EXOC3: variants seen among roughly 807,000 people sequenced by gnomAD.
The protein encoded by EXOC3 is exocyst complex component 3.
A neutral mutation model predicts 73.7 loss-of-function variants in EXOC3; 21 were observed. The observed-to-expected ratio is 0.29, with a 90% confidence interval of 0.20 to 0.41. The LOEUF (loss-of-function observed/expected upper bound fraction) is 0.41. Among genes scored for constraint, EXOC3 ranks in the 10% least tolerant of loss-of-function variants. The probability of loss-of-function intolerance (pLI) is 1.00; values close to 1 mark genes in which losing one functional copy is unlikely to be tolerated. For missense variants in EXOC3, 842 were observed against 985.1 expected, an observed-to-expected ratio of 0.85 and a Z score of 1.95; for synonymous variants, 410 against 389.1, an observed-to-expected ratio of 1.05 and a Z score of -0.63.
At chr5:464,996 G>A in intron 10 of EXOC3, 115 bp from the exon 11 acceptor site, 1 of 1,085,918 alleles carries the variant, frequency 9.2e-7, no homozygotes. Context: ...GGAGCGAGGA[G>A]GAGTGGGCTC....
Position 464,426 on chromosome 5 carries a change from A to G in EXOC3, c.1776+14A>G, listed in dbSNP as rs13164147. On this transcript the variant is annotated intron_variant, in intron 10 of 12. Transcript: ENST00000512944. ...CCGTATAAGAAGGTAAGAAGGTGGG[A>G]CCTAGTTCCCTCATCACCTTGACGC... The G allele has an allele frequency of 7.4e-6, 12 of 1,612,262 alleles. No individual in the cohort carries two copies. The African/African-American group carries it at 1.6e-4, about 22-fold the overall frequency.
At chr5:456,748 C>G (rs1004442394) in intron 4 of EXOC3, 141 bp from the exon 5 acceptor site, 1 of 697,680 alleles carries the variant, frequency 1.4e-6, no homozygotes, top group Non-Finnish European at 2.6e-6. Flanking sequence ...TGCACTTTCC[C>G]CTGAGCTGTG....
chr5:457,670 T>A, intron 5 of EXOC3: 1 of 459,090 alleles, frequency 2.2e-6, no homozygotes, highest in Non-Finnish European at 3.9e-6. Flanking sequence ...CTTCTCCCTC[T>A]TTATCTGTAC....
In EXOC3 at chr5:453,496, G is replaced by A. The variant is rs758694210; in HGVS notation, c.491G>A (p.Ser164Asn). The A allele has an allele frequency of 2.5e-6, 4 of 1,613,888 alleles. No homozygotes were observed. The highest frequency in any genetic ancestry group is 3.4e-6 in the Non-Finnish European group (4 of 1,179,898). ...GLMYEQYRMD[S>N]GNTRDMTLIH... ...ATGTACGAGCAGTACCGCATGGACA[G>A]TGGGAACACGCGTGACATGACCCTC... is the stretch of plus-strand genomic sequence containing the variant. Residue 164 changes from serine (S) to asparagine (N), a missense_variant, in exon 4 of 13, where the codon AGT becomes AAT. Transcript: ENST00000512944.
intron 9 of EXOC3, 70 bp downstream of exon 9, chr5:462,377 C>T (rs1428295483): frequency 1.3e-6 from 2 of 1,552,510 alleles, no homozygotes; most frequent in Non-Finnish European, 1.8e-6. Flanking sequence ...CCCTCTGGGA[C>T]ACAGGCTGTG....
chr5:460,820 C>T (rs1010110352), intron 7 of EXOC3, among the ~76,000 whole-genome samples: 3 of 152,214 alleles, frequency 2.0e-5, no homozygotes, highest in South Asian at 2.1e-4. Flanking sequence ...ATAAAGAGAC[C>T]GTTCCTTGAT....
Position 465,830 on chromosome 5 carries a change from A to G in EXOC3, c.2051A>G (p.Lys684Arg). Reference sequence around the variant, plus strand: ...CTGGAGGTCTCCACTCTGGTCAGCAAGTATCCAGACATCAGGTAAGGGATG... The same window carrying G: ...CTGGAGGTCTCCACTCTGGTCAGCAGGTATCCAGACATCAGGTAAGGGATG... ...LYLEVSTLVSKYPDIRDDHIG... is the reference protein window; with the variant it reads ...LYLEVSTLVSRYPDIRDDHIG... Residue 684 changes from lysine to arginine, a missense_variant, in exon 12 of 13, where the codon AAG (lysine) becomes AGG (arginine). Lys to Arg is a conservative substitution (Grantham distance 26). Coordinates refer to ENST00000512944, the MANE Select transcript of EXOC3 (RefSeq NM_007277.5). 2 of 1,611,450 alleles carry G rather than the reference A, an allele frequency of 1.2e-6. No individual in the cohort carries two copies. Among genetic ancestry groups the G allele is most frequent in the East Asian group, 2.2e-5 (1 of 44,832 alleles).
intron 7 of EXOC3, chr5:461,621 AAAAAG>A (rs1737987995): frequency 4.2e-6 from 1 of 238,850 alleles, no homozygotes; most frequent in African/African-American, 2.3e-5. Context: ...TCAAAAAAAA[AAAAAG>A]AGACAAGGTC....
chr5:446,367 A>G lies in EXOC3; in HGVS notation c.144+18A>G, dbSNP rs1483040612. 3.2e-6 allele frequency: 5 copies of G among 1,576,012 alleles called. No homozygotes were observed. The highest frequency in any genetic ancestry group is 3.4e-6 in the Non-Finnish European group (4 of 1,162,674). ...GATTGAAGGTGAGGCCACCTGCCCCACTCCCAGGATCTGTCTTGGGCTTCA... is the reference window on the plus strand; with the variant it reads ...GATTGAAGGTGAGGCCACCTGCCCCGCTCCCAGGATCTGTCTTGGGCTTCA... On this transcript the variant is annotated intron_variant, in intron 2 of 12. Coordinates refer to ENST00000512944, the MANE Select transcript of EXOC3 (RefSeq NM_007277.5).
intron 4 of EXOC3, among the ~76,000 whole-genome samples, chr5:455,047 C>CTCTCTGTGCAACCCTGGT (rs59272984): frequency 3.3e-5 from 5 of 152,034 alleles, no homozygotes; most frequent in African/African-American, 9.7e-5. Context: ...GCAACCGTGG[C>CTCTCTGTGCAACCCTGGT]GCTCTGTGCA....
intron 3 of EXOC3, among the ~76,000 whole-genome samples, chr5:452,218 TCAATC>T (rs1737678707): frequency 6.6e-6 from 1 of 152,226 alleles, no homozygotes; most frequent in Non-Finnish European, 1.5e-5. Context: ...TCACTTTTCT[TCAATC>T]TTTTTTCTTT....
chr5:453,725 G>T lies in EXOC3; in HGVS notation c.720G>T (p.Arg240Ser). ...AAACTGGCTTTGTTCCTCCTGGGAG[G>T]CCCAAGAATTGGAAGGAGAAAATGT... ...KKQTGFVPPG[R>S]PKNWKEKMFT... The change falls in exon 4 of 13, where the codon AGG becomes AGT. Residue 240 changes from arginine to serine, a missense_variant. Arg to Ser is a moderately radical substitution (Grantham distance 110). Coordinates refer to ENST00000512944, the MANE Select transcript of EXOC3 (RefSeq NM_007277.5). The T allele has an allele frequency of 6.2e-7, 1 of 1,613,918 alleles. No homozygotes were observed. The highest frequency in any genetic ancestry group is 8.5e-7 in the Non-Finnish European group (1 of 1,179,900).
rs1225454766 is a variant in EXOC3 at position 462,200 on chromosome 5, G to A, written c.1546G>A (p.Val516Met). Reference protein sequence around the residue: ...SLKRKYLKNEVEEGVSPSQPS... With the variant: ...SLKRKYLKNEMEEGVSPSQPS... ...AAAAAGAAAGTATTTAAAGAATGAA[G>A]TGGAAGAGGGTGTGTCTCCGAGCCA... The change falls in exon 9 of 13, where the codon GTG (valine) becomes ATG (methionine). Residue 516 changes from valine (V) to methionine (M), a missense_variant. Coordinates refer to ENST00000512944, the MANE Select transcript of EXOC3 (RefSeq NM_007277.5). The A allele has an allele frequency of 3.7e-6, 6 of 1,613,976 alleles. No homozygotes were observed. The highest frequency in any genetic ancestry group is 4.2e-6 in the Non-Finnish European group (5 of 1,179,892).
intron 9 of EXOC3, among the ~76,000 whole-genome samples, chr5:463,719 T>C (rs1336891877): frequency 6.6e-6 from 1 of 152,262 alleles, no homozygotes; most frequent in Non-Finnish European, 1.5e-5. Context: ...TTAATGTGTA[T>C]ACTTTTTGAC....
At position 457,789 on chromosome 5, in the gene EXOC3, C is replaced by T. The variant is rs138796151; in HGVS notation, c.1165-111C>T. ...TCATTTGAGAAAGAGGACGCTGGTG[C>T]CCTGTGTCTGGTTTGTGGAGCTTGT... On this transcript the variant is annotated intron_variant, in intron 5 of 12. Transcript: ENST00000512944. 853 of 1,187,036 alleles carry T rather than the reference C, an allele frequency of 7.2e-4. 4 individuals carry two copies. Among genetic ancestry groups the T allele is most frequent in the South Asian group, 1.1e-3 (73 of 66,498 alleles). 73.5% of individuals were successfully genotyped at this position (1,187,036 alleles called of 1,614,324 possible).
Position 456,915 on chromosome 5 carries a change from T to C in EXOC3, c.1073T>C (p.Leu358Pro). 6.2e-7 allele frequency: 1 copy of C among 1,614,030 alleles called. No individual in the cohort carries two copies. The highest frequency in any genetic ancestry group is 8.5e-7 in the Non-Finnish European group (1 of 1,179,884). ...TSTEMMRNVE[L>P]APEVDVGTLE... The stretch of plus-strand genomic sequence containing the variant: ...ACTGAGATGATGAGGAACGTGGAGC[T>C]GGCCCCGGAAGTGGATGTCGGCACC... The change falls in exon 5 of 13, where the codon CTG (leucine) becomes CCG (proline). Residue 358 changes from leucine (L) to proline (P), a missense_variant. Physicochemically the swap from Leu to Pro is moderately conservative, Grantham distance 98 (BLOSUM62 -3). Coordinates refer to ENST00000512944, the MANE Select transcript of EXOC3 (RefSeq NM_007277.5).
chr5:465,748 G>T lies in EXOC3; in HGVS notation c.1969G>T (p.Asp657Tyr). The T allele has an allele frequency of 6.2e-7, 1 of 1,613,918 alleles. No homozygotes were observed. Among genetic ancestry groups the T allele is most frequent in the East Asian group, 2.2e-5 (1 of 44,892 alleles). Reference sequence around the variant, plus strand: ...CGGGGAAGACGTGGACGGATACTGCGACACCATCGTGGCTGTGGCCGAAGT... The same window carrying T: ...CGGGGAAGACGTGGACGGATACTGCTACACCATCGTGGCTGTGGCCGAAGT... The part of the protein sequence containing the change: ...GFGEDVDGYC[D>Y]TIVAVAEVIK... The change falls in exon 12 of 13, where the codon GAC (aspartate) becomes TAC (tyrosine). Residue 657 changes from aspartate to tyrosine, a missense_variant. Coordinates refer to ENST00000512944, the MANE Select transcript of EXOC3 (RefSeq NM_007277.5).
At chr5:455,103 C>T (rs1424621475) in intron 4 of EXOC3, among the ~76,000 whole-genome samples, 2 of 152,046 alleles carry the variant, frequency 1.3e-5, no homozygotes, top group Admixed American at 6.5e-5. Context: ...CCCCTGGCTG[C>T]CGCTCATCCT....
chr5:453,096 A>G (rs76238737), intron 3 of EXOC3, among the ~76,000 whole-genome samples: 3,072 of 152,308 alleles, frequency 0.02, 107 homozygotes, highest in African/African-American at 0.068. Flanking sequence ...ACATCAGCAC[A>G]TGCACAGCTG....
Sources: gnomAD v4.1 joint callset for allele counts (sites outside exome capture counted in the v4.1 genomes callset) on GRCh38, gnomAD v4.1.1 for gene constraint, MANE v1.5 for transcripts, NCBI Gene and HGNC (gene_info 2026-07-23, HGNC 2026-07-21) for gene names.